The following CHN1 variants were observed in gnomAD, a reference collection of about 807,000 sequenced individuals.
The protein encoded by CHN1 is N-chimaerin.
CHN1 carries 37 observed loss-of-function variants against 59.5 expected under a neutral mutation model. The observed-to-expected ratio is 0.62, with a 90% confidence interval of 0.48 to 0.82. CHN1 has a LOEUF of 0.82. CHN1 is among the 40% of genes least tolerant of loss of function. The pLI is 0.00. For synonymous variants in CHN1, 206 were observed against 200.4 expected (o/e 1.03, Z -0.24); for missense variants, 469 against 571.0 (o/e 0.82, Z 1.82).
chr2:174,984,150 ATCC>A (rs1691258448), intron 1 of CHN1, among the ~76,000 whole-genome samples: 1 of 151,796 alleles, frequency 6.6e-6, no homozygotes, highest in Non-Finnish European at 1.5e-5. Context: ...TCTTCATTTT[ATCC>A]ATGGGGAAAA....
At chr2:174,817,468 T>TC (rs1394575729) in intron 8 of CHN1, among the ~76,000 whole-genome samples, 15 of 151,824 alleles carry the variant, frequency 9.9e-5, no homozygotes, top group African/African-American at 3.6e-4. Context: ...CCCCCAATTT[T>TC]TTTTTTTTTT....
intron 5 of CHN1, among the ~76,000 whole-genome samples, chr2:174,890,528 A>AAAG (rs566435505): frequency 2.0e-5 from 3 of 152,120 alleles, no homozygotes; most frequent in Admixed American, 6.6e-5. Flanking sequence ...CCATCTTTAA[A>AAAG]AAGAAGAAGA....
chr2:174,877,801 A>C (rs763278741), intron 6 of CHN1, 39 bp downstream of exon 6: 3 of 1,572,840 alleles, frequency 1.9e-6, no homozygotes, highest in Admixed American at 3.6e-5. Context: ...AAAGAACCCC[A>C]AACAGAAAAA....
At chr2:174,884,184 G>T (rs1177001125) in intron 5 of CHN1, among the ~76,000 whole-genome samples, 1 of 151,932 alleles carries the variant, frequency 6.6e-6, no homozygotes, top group African/African-American at 2.4e-5. Flanking sequence ...TGTTAACCAG[G>T]ATGGTCTCGA....
At position 174,890,237 on chromosome 2, in the gene CHN1, CCAT is replaced by C. The variant is rs1387936973; in HGVS notation, c.261-12112_261-12110del. Among the ~76,000 whole-genome samples the C allele has an allele frequency of 3.9e-5, 6 of 152,182 alleles. No homozygotes were observed. In the South Asian group the frequency reaches 8.3e-4, roughly 21 times the overall value. The stretch of plus-strand genomic sequence containing the variant: ...GAGTGAAAGGGTGGACAAAGATACA[CCAT>C]GCAAATGGTAACCAAAGGAAGGCAG... On this transcript the variant is annotated intron_variant, in intron 5 of 12. Transcript: ENST00000409900.
intron 5 of CHN1, among the ~76,000 whole-genome samples, chr2:174,886,473 T>G (rs1263180441): frequency 2.0e-5 from 3 of 152,238 alleles, no homozygotes; most frequent in African/African-American, 7.2e-5. Flanking sequence ...GGTTATTAAC[T>G]GTGTTCTCCT....
chr2:174,886,387 C>CAA (rs1687894806), intron 5 of CHN1, among the ~76,000 whole-genome samples: 1 of 152,130 alleles, frequency 6.6e-6, no homozygotes, highest in South Asian at 2.1e-4. Context: ...AGTTGCCTTT[C>CAA]TCTTACCTAA....
At chr2:174,863,206 T>C (rs1687119864) in intron 6 of CHN1, among the ~76,000 whole-genome samples, 1 of 152,166 alleles carries the variant, frequency 6.6e-6, no homozygotes, top group Non-Finnish European at 1.5e-5. Context: ...AGTGAACCAA[T>C]ATTTTACAAG....
chr2:174,825,760 G>GT (rs1685662825), intron 7 of CHN1, among the ~76,000 whole-genome samples: 1 of 152,054 alleles, frequency 6.6e-6, no homozygotes, highest in African/African-American at 2.4e-5. Context: ...CTGTACTAAC[G>GT]TATTGACTAA....
intron 1 of CHN1, among the ~76,000 whole-genome samples, chr2:174,989,165 C>A (rs1691456258): frequency 6.6e-6 from 1 of 151,340 alleles, no homozygotes; most frequent in Admixed American, 6.6e-5. Flanking sequence ...ATCACAAGGT[C>A]AGGAGTTCGA....
At chr2:174,802,035 T>A (rs762848666) in intron 11 of CHN1, 1 of 395,830 alleles carries the variant, frequency 2.5e-6, no homozygotes, top group African/African-American at 2.0e-5. Flanking sequence ...CTTTTGGGGA[T>A]GGAGGGAACA....
At chr2:174,910,691 C>T (rs1688670225) in intron 5 of CHN1, among the ~76,000 whole-genome samples, 2 of 151,906 alleles carry the variant, frequency 1.3e-5, no homozygotes, top group South Asian at 4.1e-4. Context: ...CATTTATACC[C>T]ATAAATTGTT....
chr2:174,977,065 T>A (rs966101648), intron 1 of CHN1, among the ~76,000 whole-genome samples: 1 of 152,180 alleles, frequency 6.6e-6, no homozygotes, highest in African/African-American at 2.4e-5. Flanking sequence ...ATTCTTGAGT[T>A]TGATGAAATT....
chr2:174,985,560 A>G (rs903197046), intron 1 of CHN1, among the ~76,000 whole-genome samples: 5 of 152,212 alleles, frequency 3.3e-5, no homozygotes, highest in African/African-American at 1.2e-4. Flanking sequence ...ATGTCTAGAA[A>G]TGAGACATAT....
chr2:174,894,932 A>G (rs1688165189), intron 5 of CHN1, among the ~76,000 whole-genome samples: 1 of 152,162 alleles, frequency 6.6e-6, no homozygotes, highest in African/African-American at 2.4e-5. Context: ...TGTCTCTCCC[A>G]GGACATGAAC....
intron 2 of CHN1, among the ~76,000 whole-genome samples, chr2:174,946,900 TAAAAAAA>T (rs34155510): frequency 3.0e-5 from 3 of 100,218 alleles, no homozygotes; most frequent in African/African-American, 7.6e-5. Flanking sequence ...CTAAAAAATG[TAAAAAAA>T]AAAAAAAAAA....
intron 11 of CHN1, chr2:174,802,048 C>T (rs1684740522): frequency 7.9e-6 from 3 of 381,590 alleles, no homozygotes; most frequent in African/African-American, 2.1e-5. Flanking sequence ...AGGGAACATC[C>T]AGTTTTGTCA....
intron 3 of CHN1, among the ~76,000 whole-genome samples, chr2:174,942,848 G>A (rs1689705730): frequency 6.6e-6 from 1 of 152,074 alleles, no homozygotes; most frequent in African/African-American, 2.4e-5. Flanking sequence ...TTAGGCGTTT[G>A]AGACCAGCTT....
intron 8 of CHN1, among the ~76,000 whole-genome samples, chr2:174,821,344 T>G (rs1374246279): frequency 6.6e-6 from 1 of 152,202 alleles, no homozygotes; most frequent in Non-Finnish European, 1.5e-5. Flanking sequence ...TTCTCTTCCC[T>G]CTGACCTCTG....
Sources: allele counts gnomAD v4.1 joint callset (sites outside exome capture counted in the v4.1 genomes callset), GRCh38; gene constraint gnomAD v4.1.1; transcripts MANE v1.5; gene names NCBI Gene and HGNC (gene_info 2026-07-23, HGNC 2026-07-21).